The following SAMD4A variants were observed in gnomAD, a reference collection of about 807,000 sequenced individuals.
SAMD4A encodes the protein protein Smaug homolog 1.
Under a neutral mutation model 81.3 loss-of-function variants are expected in SAMD4A, and 33 were observed. The observed-to-expected ratio is 0.41, with a 90% CI of 0.31 to 0.54. The LOEUF (loss-of-function observed/expected upper bound fraction) is 0.54. Among genes scored for constraint, SAMD4A ranks in the 20% least tolerant of loss-of-function variants. The probability of loss-of-function intolerance (pLI) is 0.37; values close to 1 mark genes in which losing one functional copy is unlikely to be tolerated. For missense variants in SAMD4A, 854 were observed against 951.1 expected (o/e 0.90, Z 1.34); for synonymous variants, 389 against 382.1 (o/e 1.02, Z -0.21).
At chr14:54,602,707 T>C (rs1171293142) in intron 2 of SAMD4A, among the ~76,000 whole-genome samples, 1 of 151,444 alleles carries the variant, frequency 6.6e-6, no homozygotes, top group Non-Finnish European at 1.5e-5. Flanking sequence ...AATGATGAGT[T>C]AATGGGTGCA....
chr14:54,759,207 G>A (rs72713430), intron 6 of SAMD4A, among the ~76,000 whole-genome samples: 9,660 of 152,140 alleles, frequency 0.063, 484 homozygotes, highest in South Asian at 0.19. Context: ...TGTAAAACTT[G>A]TCACTCCCTT....
chr14:54,566,753 G>GCA (rs1023871197), upstream of SAMD4A, among the ~76,000 whole-genome samples: 4 of 151,828 alleles, frequency 2.6e-5, no homozygotes, highest in African/African-American at 7.2e-5. Flanking sequence ...ACACACGCGC[G>GCA]CACACACACA....
rs770980817 is a variant in SAMD4A, at chr14:54,737,260, T to C, written c.952T>C (p.Phe318Leu). Residue 318 changes from phenylalanine to leucine, a missense_variant, in exon 4 of 13, where the codon TTC becomes CTC. Phe to Leu is a conservative substitution (Grantham distance 22). Coordinates refer to ENST00000554335, the MANE Select transcript of SAMD4A (RefSeq NM_015589.6). ...LEDQTTARNT[F>L]QEEGSGMKDV... ...AGATCAGACCACTGCTCGTAACACA[T>C]TCCAAGAAGAAGGTAGTGGGATGAA... 1.9e-6 allele frequency: 3 copies of C among 1,614,022 alleles called. No individual in the cohort carries two copies. The highest frequency in any genetic ancestry group is 2.5e-6 in the Non-Finnish European group (3 of 1,179,996).
chr14:54,740,397 A>G (rs1301680650), intron 4 of SAMD4A, among the ~76,000 whole-genome samples: 1 of 152,240 alleles, frequency 6.6e-6, no homozygotes, highest in African/African-American at 2.4e-5. Flanking sequence ...TAGAAGAACA[A>G]TAAGAAAGCT....
intron 2 of SAMD4A, among the ~76,000 whole-genome samples, chr14:54,643,425 T>C (rs2035217389): frequency 6.6e-6 from 1 of 152,230 alleles, no homozygotes; most frequent in African/African-American, 2.4e-5. Flanking sequence ...TTTGACTTTG[T>C]CACTAAACCA....
chr14:54,658,619 C>T (rs969522869), intron 2 of SAMD4A, among the ~76,000 whole-genome samples: 1 of 152,182 alleles, frequency 6.6e-6, no homozygotes, highest in Non-Finnish European at 1.5e-5. Flanking sequence ...GCAACAGGAG[C>T]CTCTTCCTTA....
intron 2 of SAMD4A, among the ~76,000 whole-genome samples, chr14:54,684,666 C>T (rs867899263): frequency 1.1e-4 from 15 of 133,262 alleles, no homozygotes; most frequent in African/African-American, 3.7e-4. Context: ...AGCTGGGTGC[C>T]GCCCCCTCCC....
chr14:54,606,183 C>CTCTG (rs71446498), intron 2 of SAMD4A, among the ~76,000 whole-genome samples: 13 of 146,570 alleles, frequency 8.9e-5, no homozygotes, highest in African/African-American at 1.3e-4. Context: ...TACTTCTGGG[C>CTCTG]TGTGTGTGTG....
At chr14:54,671,413 G>C (rs943219872) in intron 2 of SAMD4A, among the ~76,000 whole-genome samples, 1 of 152,216 alleles carries the variant, frequency 6.6e-6, no homozygotes, top group Admixed American at 6.5e-5. Flanking sequence ...GATTAAGTGA[G>C]ATATGGAAAG....
At chr14:54,652,347 G>A (rs946784332) in intron 2 of SAMD4A, among the ~76,000 whole-genome samples, 1 of 152,174 alleles carries the variant, frequency 6.6e-6, no homozygotes, top group Non-Finnish European at 1.5e-5. Context: ...TGTCATTTGG[G>A]ATCTTCTGAA....
At chr14:54,686,756 C>T (rs74978469) in intron 2 of SAMD4A, among the ~76,000 whole-genome samples, 8 of 152,196 alleles carry the variant, frequency 5.3e-5, no homozygotes, top group South Asian at 2.1e-4. Context: ...GTTGGTTACG[C>T]GCTAAATTGG....
intron 2 of SAMD4A, among the ~76,000 whole-genome samples, chr14:54,570,653 G>A (rs942186613): frequency 2.0e-5 from 3 of 152,296 alleles, no homozygotes; most frequent in Non-Finnish European, 2.9e-5. Context: ...AATTGACCTT[G>A]TAGGCACCAC....
Position 54,658,707 on chromosome 14 carries a change from C to A in SAMD4A, c.197-43355C>A, listed in dbSNP as rs191278092. ...TCTGGCTGAGCACCTTGGAACTTCTCCGAATACCGTGTCCACTGAGTCTCC... is the reference window on the plus strand; with the variant it reads ...TCTGGCTGAGCACCTTGGAACTTCTACGAATACCGTGTCCACTGAGTCTCC... On this transcript the variant is annotated intron_variant, in intron 2 of 12. Transcript: ENST00000554335. 1.3e-3 allele frequency among the ~76,000 whole-genome samples: 197 copies of A among 152,340 alleles called. 1 individual carries two copies. The highest frequency in any genetic ancestry group is 4.5e-3 in the African/African-American group (186 of 41,586).
At chr14:54,687,526 G>T in intron 2 of SAMD4A, 1 of 373,140 alleles carries the variant, frequency 2.7e-6, no homozygotes, top group Non-Finnish European at 5.3e-6. Context: ...TTGTGCTCAT[G>T]CTCCTAAATG....
intron 2 of SAMD4A, chr14:54,685,760 A>G: frequency 2.2e-6 from 1 of 456,700 alleles, no homozygotes; most frequent in Non-Finnish European, 4.4e-6. Flanking sequence ...AGAACCAGAA[A>G]ATCTCTGAGG....
chr14:54,759,235 G>A (rs2038326589), intron 6 of SAMD4A, among the ~76,000 whole-genome samples: 2 of 152,170 alleles, frequency 1.3e-5, no homozygotes, highest in South Asian at 2.1e-4. Flanking sequence ...ACCTTCCCTG[G>A]TTTCCCATCT....
At chr14:54,638,095 A>G (rs772921762) in intron 2 of SAMD4A, among the ~76,000 whole-genome samples, 3 of 152,140 alleles carry the variant, frequency 2.0e-5, no homozygotes, top group Non-Finnish European at 4.4e-5. Flanking sequence ...CTCTATGGCT[A>G]TTTTTGCTAC....
At chr14:54,626,818 A>G (rs1458711109) in intron 2 of SAMD4A, among the ~76,000 whole-genome samples, 1 of 152,230 alleles carries the variant, frequency 6.6e-6, no homozygotes, top group African/African-American at 2.4e-5. Flanking sequence ...AGACTTGCAC[A>G]TATGTGACTT....
Position 54,774,828 on chromosome 14 carries a change from A to T in SAMD4A, c.1716-106A>T. 2.9e-6 allele frequency: 3 copies of T among 1,035,662 alleles called. No individual in the cohort carries two copies. The South Asian group carries it at 5.1e-5, about 18-fold the overall frequency. 64.2% of individuals were successfully genotyped at this position (1,035,662 alleles called of 1,614,324 possible). On this transcript the variant is annotated intron_variant, in intron 9 of 12. Transcript: ENST00000554335. ...GACCCTGACTCAAAAAAAAAAAAAAAAAAAAAATGAGGAGACCTCCAAGGC... is the reference window on the plus strand; with the variant it reads ...GACCCTGACTCAAAAAAAAAAAAAATAAAAAAATGAGGAGACCTCCAAGGC...
Sources: gnomAD v4.1 joint callset for allele counts (sites outside exome capture counted in the v4.1 genomes callset) on GRCh38, gnomAD v4.1.1 for gene constraint, MANE v1.5 for transcripts, NCBI Gene and HGNC (gene_info 2026-07-23, HGNC 2026-07-21) for gene names.